The following HECW2 variants were observed in gnomAD, a reference collection of about 807,000 sequenced individuals.
HECW2 encodes E3 ubiquitin-protein ligase HECW2.
In HECW2, 61 loss-of-function variants were observed where a neutral mutation model predicts 175.2. The observed-to-expected ratio is 0.35, with a 90% CI of 0.28 to 0.43. HECW2 has a LOEUF of 0.43. Ranked by LOEUF, HECW2 falls within the 20% of genes least tolerant of loss-of-function variation. HECW2 has a pLI of 1.00. For synonymous variants in HECW2, 671 were observed against 731.0 expected (o/e 0.92, Z 1.32); for missense variants, 1,524 against 2,000.5 (o/e 0.76, Z 4.54).
intron 5 of HECW2, among the ~76,000 whole-genome samples, chr2:196,328,653 T>C (rs746622074): frequency 6.6e-6 from 1 of 152,212 alleles, no homozygotes; most frequent in Admixed American, 6.5e-5. Context: ...TGGATCTAAT[T>C]TAAATTTTGG....
chr2:196,445,302 CT>C (rs908212294), intron 1 of HECW2, among the ~76,000 whole-genome samples: 6 of 152,142 alleles, frequency 3.9e-5, no homozygotes, highest in Non-Finnish European at 7.4e-5. Flanking sequence ...CTTGACTTTT[CT>C]TTTTTTCCCC....
intron 13 of HECW2, among the ~76,000 whole-genome samples, chr2:196,301,050 A>AC (rs1691031541): frequency 6.6e-6 from 1 of 150,888 alleles, no homozygotes; most frequent in African/African-American, 2.5e-5. Flanking sequence ...CCCGACAGGC[A>AC]CCAGTGTGTG....
At chr2:196,258,239 C>A (rs2105925567) in intron 17 of HECW2, 2 of 247,720 alleles carry the variant, frequency 8.1e-6, no homozygotes, top group South Asian at 1.3e-4. Context: ...TGACTGTGGG[C>A]CTGAATTTTA....
chr2:196,576,240 C>G (rs767753032), intron 1 of HECW2, among the ~76,000 whole-genome samples: 2 of 152,084 alleles, frequency 1.3e-5, no homozygotes, highest in African/African-American at 4.8e-5. Context: ...GTGTAGTAGG[C>G]TATACCATCT....
Position 196,228,242 on chromosome 2 carries a change from A to G in HECW2, c.3777T>C (p.Ser1259=), listed in dbSNP as rs752914839. ...GGAAGAAAAACTCTCTAGAAGGCCC[A>G]CTGTAATCCAGCCTGTAACAAAAAT... ...TFVGEEGLDY[S]GPSREFFFLV... is the part of the protein sequence containing the mutation. The change falls in exon 22 of 29, where the codon AGT becomes AGC. Residue 1259 remains serine, a synonymous_variant. Transcript: ENST00000644978. 70 of 1,598,834 alleles carry G rather than the reference A, an allele frequency of 4.4e-5. No homozygotes were observed. Among genetic ancestry groups the G allele is most frequent in the Non-Finnish European group, 5.9e-5 (69 of 1,176,300 alleles).
At chr2:196,468,707 G>A (rs376989010) in intron 1 of HECW2, among the ~76,000 whole-genome samples, 2 of 152,124 alleles carry the variant, frequency 1.3e-5, no homozygotes, top group African/African-American at 4.8e-5. Context: ...TTTTCCACAT[G>A]AATGAAGGTC....
chr2:196,428,739 C>T (rs1695620120), intron 2 of HECW2, among the ~76,000 whole-genome samples: 1 of 152,144 alleles, frequency 6.6e-6, no homozygotes, highest in Admixed American at 6.5e-5. Flanking sequence ...TAGTCCTTAA[C>T]ACTCTCCACG....
chr2:196,352,475 G>A (rs919181069), intron 2 of HECW2, among the ~76,000 whole-genome samples: 1 of 152,218 alleles, frequency 6.6e-6, no homozygotes, highest in African/African-American at 2.4e-5. Flanking sequence ...GCCCTGGAAA[G>A]GAATGCTGGC....
chr2:196,335,044 C>T (rs2105805399), intron 3 of HECW2, among the ~76,000 whole-genome samples: 1 of 152,288 alleles, frequency 6.6e-6, no homozygotes, highest in East Asian at 1.9e-4. Flanking sequence ...AGAGGAAAAG[C>T]AGTCTAACAA....
chr2:196,564,084 T>C (rs1299875714), intron 1 of HECW2, among the ~76,000 whole-genome samples: 1 of 152,156 alleles, frequency 6.6e-6, no homozygotes, highest in African/African-American at 2.4e-5. Context: ...GTAGCAGACA[T>C]CCTGTGCCTT....
chr2:196,307,139 C>G lies in HECW2; in HGVS notation c.2680G>C (p.Ala894Pro). The G allele has an allele frequency of 5.0e-6, 8 of 1,611,276 alleles. No homozygotes were observed. Among genetic ancestry groups the G allele is most frequent in the Non-Finnish European group, 6.8e-6 (8 of 1,177,438 alleles). The part of the protein sequence containing the change: ...GAGEEADFHQ[A>P]SADFRRENIL... ...AGCCCAAAGCTCTTACCTGCACTGGCTTGGTGAAAGTCAGCTTCCTCCCCT... is the reference window on the plus strand; with the variant it reads ...AGCCCAAAGCTCTTACCTGCACTGGGTTGGTGAAAGTCAGCTTCCTCCCCT... Residue 894 changes from alanine (A) to proline (P), a missense_variant, in exon 12 of 29, where the codon GCC becomes CCC. By Grantham distance (27) the Ala-to-Pro change is conservative. This residue lies in a region of HECW2 where 105 missense variants were observed against 98.1 expected (regional missense o/e 1.07). Transcript: ENST00000644978.
intron 1 of HECW2, among the ~76,000 whole-genome samples, chr2:196,533,486 T>A (rs1483628022): frequency 6.6e-6 from 1 of 152,078 alleles, no homozygotes; most frequent in Non-Finnish European, 1.5e-5. Flanking sequence ...TGGGGGGGTA[T>A]CTTTTATCTA....
At chr2:196,249,015 C>T (rs1261104903) in intron 19 of HECW2, among the ~76,000 whole-genome samples, 1 of 152,092 alleles carries the variant, frequency 6.6e-6, no homozygotes, top group Non-Finnish European at 1.5e-5. Context: ...GAAATATCCT[C>T]AATGTGCAGT....
intron 1 of HECW2, among the ~76,000 whole-genome samples, chr2:196,543,990 G>T (rs1022731754): frequency 6.6e-6 from 1 of 152,202 alleles, no homozygotes; most frequent in African/African-American, 2.4e-5. Flanking sequence ...AGGGCATTCA[G>T]TTCATCTACC....
chr2:196,276,855 C>G (rs151266434), intron 15 of HECW2, among the ~76,000 whole-genome samples: 1 of 152,238 alleles, frequency 6.6e-6, no homozygotes, highest in Non-Finnish European at 1.5e-5. Flanking sequence ...ATATAAATCA[C>G]GAGGGGAAAT....
At chr2:196,294,625 C>G (rs1186993486) in intron 13 of HECW2, among the ~76,000 whole-genome samples, 1 of 152,044 alleles carries the variant, frequency 6.6e-6, no homozygotes, top group Non-Finnish European at 1.5e-5. Flanking sequence ...TTTGCTGTAC[C>G]CAGTACTGTG....
intron 28 of HECW2, among the ~76,000 whole-genome samples, chr2:196,207,417 T>A (rs1054533997): frequency 6.6e-6 from 1 of 152,242 alleles, no homozygotes; most frequent in Non-Finnish European, 1.5e-5. Context: ...AAAATATTCA[T>A]AATTTATCTA....
intron 2 of HECW2, among the ~76,000 whole-genome samples, chr2:196,372,879 T>C (rs1300602417): frequency 1.3e-5 from 2 of 152,192 alleles, no homozygotes; most frequent in East Asian, 3.8e-4. Flanking sequence ...CGGCCAAAAA[T>C]GGACACCTTT....
chr2:196,575,713 T>C (rs2125520733), intron 1 of HECW2, among the ~76,000 whole-genome samples: 1 of 152,282 alleles, frequency 6.6e-6, no homozygotes, highest in East Asian at 1.9e-4. Flanking sequence ...TAGCTCATGG[T>C]TCTGCAGGCT....
Sources: gnomAD v4.1 joint callset for allele counts (sites outside exome capture counted in the v4.1 genomes callset) on GRCh38, gnomAD v4.1.1 for gene constraint, gnomAD v4.1.1 regional missense constraint, MANE v1.5 for transcripts, NCBI Gene and HGNC (gene_info 2026-07-23, HGNC 2026-07-21) for gene names.